Variants in DENND4C observed in about 807,000 individuals in gnomAD.
The protein encoded by DENND4C is DENN domain containing 4C.
In DENND4C, 108 loss-of-function variants were observed where a neutral mutation model predicts 203.0. That is an observed-to-expected ratio of 0.53 (90% CI 0.46 to 0.62). The LOEUF (loss-of-function observed/expected upper bound fraction) is 0.62. Ranked by LOEUF, DENND4C falls within the 20% of genes least tolerant of loss-of-function variation. The probability of loss-of-function intolerance (pLI) is 0.00; values close to 1 mark genes in which losing one functional copy is unlikely to be tolerated. For synonymous variants in DENND4C, 871 were observed against 792.4 expected, an observed-to-expected ratio of 1.10 and a Z score of -1.67; for missense variants, 2,481 against 2,301.2, an observed-to-expected ratio of 1.08 and a Z score of -1.60.
chr9:19,286,648 A>C (rs1588844620), intron 2 of DENND4C, 121 bp from the exon 3 acceptor site: 24 of 999,656 alleles, frequency 2.4e-5, no homozygotes, highest in Non-Finnish European at 3.1e-5. Flanking sequence ...GACCAAAAAA[A>C]TTTTCTTTGA....
intron 12 of DENND4C, among the ~76,000 whole-genome samples, chr9:19,319,325 T>TACACATATACAC (rs1652582649): frequency 4.6e-5 from 2 of 43,382 alleles, no homozygotes; most frequent in African/African-American, 1.1e-4. Flanking sequence ...CACATATATA[T>TACACATATACAC]ACATATATAT....
chr9:19,306,743 TTGTA>T (rs1188223908), intron 10 of DENND4C, among the ~76,000 whole-genome samples: 34 of 143,882 alleles, frequency 2.4e-4, no homozygotes, highest in African/African-American at 8.3e-4. Context: ...GTTTGCACAA[TTGTA>T]TTTATTTATT....
At chr9:19,260,488 C>T (rs542771356) in intron 1 of DENND4C, among the ~76,000 whole-genome samples, 2 of 152,152 alleles carry the variant, frequency 1.3e-5, no homozygotes, top group East Asian at 3.9e-4. Context: ...ACCTCCACCT[C>T]CTGGGTTCAA....
chr9:19,362,009 C>A, intron 30 of DENND4C, 46 bp downstream of exon 30: 1 of 1,210,862 alleles, frequency 8.3e-7, no homozygotes, highest in Non-Finnish European at 1.2e-6. Flanking sequence ...TGCAGTGGCT[C>A]GCACCTGTAA....
chr9:19,335,579 A>G (rs929051655), intron 18 of DENND4C, among the ~76,000 whole-genome samples: 1 of 151,944 alleles, frequency 6.6e-6, no homozygotes, highest in Non-Finnish European at 1.5e-5. Flanking sequence ...ACTTTCCTGG[A>G]TCTCATATAT....
At chr9:19,323,558 G>A (rs1184835302) in intron 12 of DENND4C, among the ~76,000 whole-genome samples, 3 of 152,196 alleles carry the variant, frequency 2.0e-5, no homozygotes, top group African/African-American at 7.2e-5. Context: ...TTGGTCTTCA[G>A]TGAATGAAGG....
At chr9:19,316,327 A>T in intron 10 of DENND4C, 90 bp from the exon 11 acceptor site, 1 of 975,916 alleles carries the variant, frequency 1.0e-6, no homozygotes, top group Non-Finnish European at 1.6e-6. Flanking sequence ...CATCTTTTCC[A>T]TTTTCTTGTT....
chr9:19,365,876 G>A (rs1235132148), intron 30 of DENND4C, among the ~76,000 whole-genome samples: 2 of 151,816 alleles, frequency 1.3e-5, no homozygotes, highest in Non-Finnish European at 2.9e-5. Context: ...CCAAAGAAAT[G>A]CAAAACTTAC....
rs747781244 is a variant in DENND4C, at chr9:19,352,598, C to G, written c.4714C>G (p.Pro1572Ala). 21 of 1,613,452 alleles carry G rather than the reference C, an allele frequency of 1.3e-5. No homozygotes were observed. Among genetic ancestry groups the G allele is most frequent in the Non-Finnish European group, 1.8e-5 (21 of 1,179,672 alleles). ...ADDSNLNTACPFCKSNFLPLL... is the reference protein window; with the variant it reads ...ADDSNLNTACAFCKSNFLPLL... Reference sequence around the variant, plus strand: ...TGACTCAAATTTGAATACAGCTTGTCCATTCTGTAAAAGCAACTTCTTGCC... The same window carrying G: ...TGACTCAAATTTGAATACAGCTTGTGCATTCTGTAAAAGCAACTTCTTGCC... Residue 1572 changes from proline (P) to alanine (A), a missense_variant, in exon 26 of 33, where the codon CCA becomes GCA. Coordinates refer to ENST00000434457, the MANE Select transcript of DENND4C (RefSeq NM_001330640.2).
intron 16 of DENND4C, among the ~76,000 whole-genome samples, chr9:19,328,677 A>G (rs984594595): frequency 6.5e-4 from 98 of 150,816 alleles, no homozygotes; most frequent in African/African-American, 2.4e-3. Context: ...CTATCTATCT[A>G]TCTATCTATC....
At chr9:19,251,761 T>C (rs1464830662) in intron 1 of DENND4C, among the ~76,000 whole-genome samples, 1 of 152,218 alleles carries the variant, frequency 6.6e-6, no homozygotes, top group Non-Finnish European at 1.5e-5. Flanking sequence ...GTCTGTTTGC[T>C]AAAACGTAAC....
intron 30 of DENND4C, among the ~76,000 whole-genome samples, chr9:19,366,729 A>G (rs182407537): frequency 2.0e-5 from 3 of 152,244 alleles, no homozygotes; most frequent in African/African-American, 7.2e-5. Flanking sequence ...ACCTAAATGT[A>G]AGAGCTAAAA....
intron 1 of DENND4C, among the ~76,000 whole-genome samples, chr9:19,238,994 G>A (rs375373319): frequency 6.6e-6 from 1 of 151,940 alleles, no homozygotes; most frequent in African/African-American, 2.4e-5. Context: ...TAGAGGACCT[G>A]TAACGATATG....
chr9:19,300,214 G>T lies in DENND4C; in HGVS notation c.1194G>T (p.Met398Ile). 1 of 1,609,894 alleles carries T rather than the reference G, an allele frequency of 6.2e-7. No homozygotes were observed. Among genetic ancestry groups the T allele is most frequent in the Non-Finnish European group, 8.5e-7 (1 of 1,177,018 alleles). The part of the protein sequence containing the change: ...LSGANFSTLL[M>I]NLGPENCATL... ...GAGCCAACTTTAGCACCTTGCTAAT[G>T]AATCTGGGTCCTGAGAATTGTGCAA... Residue 398 changes from methionine to isoleucine, a missense_variant, in exon 9 of 33, where the codon ATG (methionine) becomes ATT (isoleucine). Physicochemically the swap from Met to Ile is conservative, Grantham distance 10. This residue lies in a region of DENND4C where 2,289 missense variants were observed against 2,113.3 expected (regional missense o/e 1.08). Transcript: ENST00000434457.
chr9:19,307,620 A>G (rs1802211449), intron 10 of DENND4C, among the ~76,000 whole-genome samples: 1 of 151,638 alleles, frequency 6.6e-6, no homozygotes, highest in African/African-American at 2.4e-5. Context: ...AAACACAAAA[A>G]TTAGCCAGGC....
At chr9:19,336,210 T>G in intron 18 of DENND4C, 60 bp from the exon 19 acceptor site, 1 of 1,503,656 alleles carries the variant, frequency 6.7e-7, no homozygotes, top group Non-Finnish European at 9.1e-7. Context: ...CATATATGTA[T>G]GTATTTTTAA....
intron 9 of DENND4C, among the ~76,000 whole-genome samples, chr9:19,304,170 A>G (rs2131360824): frequency 6.9e-6 from 1 of 145,340 alleles, no homozygotes; most frequent in South Asian, 2.2e-4. Context: ...ATGTCTAGAT[A>G]GAGGAATATT....
At chr9:19,236,257 G>A (rs1188957719) in intron 1 of DENND4C, among the ~76,000 whole-genome samples, 1 of 152,124 alleles carries the variant, frequency 6.6e-6, no homozygotes, top group African/African-American at 2.4e-5. Context: ...AATAAGCACC[G>A]TAACTACAAC....
At chr9:19,233,771 T>C (rs1350953922) in intron 1 of DENND4C, among the ~76,000 whole-genome samples, 1 of 152,142 alleles carries the variant, frequency 6.6e-6, no homozygotes, top group African/African-American at 2.4e-5. Flanking sequence ...TTTTGAATTT[T>C]TAGTAGAGAA....
Sources: gnomAD v4.1 joint callset for allele counts (sites outside exome capture counted in the v4.1 genomes callset) on GRCh38, gnomAD v4.1.1 for gene constraint, gnomAD v4.1.1 regional missense constraint, MANE v1.5 for transcripts, NCBI Gene and HGNC (gene_info 2026-07-23, HGNC 2026-07-21) for gene names.